The following SPACA1 variants were observed in gnomAD, a reference collection of about 807,000 sequenced individuals.
The protein encoded by SPACA1 is sperm acrosome associated 1.
SPACA1 carries 17 observed loss-of-function variants against 32.6 expected under a neutral mutation model. The observed-to-expected ratio is 0.52, with a 90% CI of 0.36 to 0.78. The LOEUF is 0.78. Ranked by LOEUF, SPACA1 falls within the 30% of genes least tolerant of loss-of-function variation. SPACA1 has a pLI of 0.01. For missense variants in SPACA1, 363 were observed against 373.4 expected (o/e 0.97, Z 0.23); for synonymous variants, 140 against 138.1 (o/e 1.01, Z -0.10).
At chr6:88,057,356 G>A (rs1775824971) in intron 2 of SPACA1, among the ~76,000 whole-genome samples, 1 of 152,114 alleles carries the variant, frequency 6.6e-6, no homozygotes, top group South Asian at 2.1e-4. Flanking sequence ...TTTCAAATGT[G>A]TATGATCATG....
intron 5 of SPACA1, among the ~76,000 whole-genome samples, chr6:88,063,092 C>G (rs1465155899): frequency 6.6e-6 from 1 of 152,122 alleles, no homozygotes; most frequent in Non-Finnish European, 1.5e-5. Context: ...AAGCCAAAAT[C>G]TGGTAGAAAA....
chr6:88,062,476 A>G (rs1169371148), intron 5 of SPACA1, among the ~76,000 whole-genome samples: 2 of 152,256 alleles, frequency 1.3e-5, no homozygotes, highest in Non-Finnish European at 1.5e-5. Context: ...ATTTGGGGTC[A>G]TAAAAGAGAT....
intron 1 of SPACA1, among the ~76,000 whole-genome samples, chr6:88,051,819 T>C (rs746547463): frequency 6.6e-6 from 1 of 152,234 alleles, no homozygotes; most frequent in Non-Finnish European, 1.5e-5. Context: ...ATCAAATATA[T>C]TTGCTATCCT....
At chr6:88,056,416 C>G (rs954009070) in intron 2 of SPACA1, among the ~76,000 whole-genome samples, 1 of 152,178 alleles carries the variant, frequency 6.6e-6, no homozygotes, top group African/African-American at 2.4e-5. Flanking sequence ...CATCATCTCT[C>G]TTAACCAAAG....
At chr6:88,065,153 A>G (rs1775959665) in intron 6 of SPACA1, among the ~76,000 whole-genome samples, 1 of 148,698 alleles carries the variant, frequency 6.7e-6, no homozygotes, top group Non-Finnish European at 1.5e-5. Context: ...ATACACACAT[A>G]TATTTGAACC....
intron 6 of SPACA1, among the ~76,000 whole-genome samples, chr6:88,065,935 A>G (rs1471081270): frequency 6.6e-6 from 1 of 151,932 alleles, no homozygotes; most frequent in Non-Finnish European, 1.5e-5. Flanking sequence ...TCTTTCCTTT[A>G]TAATATACCT....
intron 1 of SPACA1, among the ~76,000 whole-genome samples, chr6:88,051,342 CTA>C (rs1023625133): frequency 2.0e-5 from 3 of 152,094 alleles, no homozygotes; most frequent in African/African-American, 7.2e-5. Flanking sequence ...ACAAATATAA[CTA>C]TATGTTATTT....
intron 1 of SPACA1, among the ~76,000 whole-genome samples, chr6:88,051,247 C>CAAAGATTTATAAAAAGAT (rs1775724431): frequency 6.6e-6 from 1 of 151,988 alleles, no homozygotes; most frequent in African/African-American, 2.4e-5. Context: ...CAAGTATACC[C>CAAAGATTTATAAAAAGAT]TTAGATTTAT....
rs201091472 is a variant in SPACA1, at chr6:88,066,308, T to C, written c.858T>C (p.Asp286=). Residue 286 remains aspartate (D), a synonymous_variant, in exon 7 of 7, where the codon GAT becomes GAC. Transcript: ENST00000237201. ...TACCAACAGAAATGCCTGGTGAAGA[T>C]GATGCTTTAAGTGAATGGAATGAAT... ...DQLPTEMPGE[D]DALSEWNE The C allele has an allele frequency of 9.2e-5, 149 of 1,612,052 alleles. 1 individual carries two copies. Among genetic ancestry groups the C allele is most frequent in the Middle Eastern group, 4.9e-4 (3 of 6,076 alleles).
upstream of SPACA1, chr6:88,047,835 C>T (rs1301868810): frequency 3.5e-6 from 5 of 1,410,522 alleles, no homozygotes; most frequent in Non-Finnish European, 4.7e-6. Context: ...TGTCGCAGCT[C>T]TCTTCGACGT....
intron 4 of SPACA1, among the ~76,000 whole-genome samples, chr6:88,059,037 TA>T (rs1226547294): frequency 6.6e-6 from 1 of 152,264 alleles, no homozygotes; most frequent in Non-Finnish European, 1.5e-5. Flanking sequence ...ATCAGAACTT[TA>T]AAACGTCTAT....
chr6:88,061,194 G>A (rs1036848902), intron 5 of SPACA1, among the ~76,000 whole-genome samples: 6 of 152,128 alleles, frequency 3.9e-5, no homozygotes, highest in Non-Finnish European at 7.4e-5. Flanking sequence ...TTTCCCTAGT[G>A]AAAAATTCTC....
intron 5 of SPACA1, among the ~76,000 whole-genome samples, chr6:88,061,047 G>A (rs764490707): frequency 6.6e-6 from 1 of 152,174 alleles, no homozygotes; most frequent in Non-Finnish European, 1.5e-5. Context: ...CTTTAAACAT[G>A]ACAATTGGGT....
In SPACA1 at chr6:88,066,372, A is replaced by G. The variant is rs925704227; in HGVS notation, c.*37A>G. ...TATATAACAAACCAAAGGATATTAC[A>G]GAATATTAGATTCATTATTACAAAA... On this transcript the variant is annotated 3_prime_UTR_variant, in exon 7 of 7. Coordinates refer to ENST00000237201, the MANE Select transcript of SPACA1 (RefSeq NM_030960.3). 14 of 1,532,238 alleles carry G rather than the reference A, an allele frequency of 9.1e-6. No individual in the cohort carries two copies. Among genetic ancestry groups the G allele is most frequent in the Non-Finnish European group, 1.2e-5 (14 of 1,132,694 alleles). The allele number at this position is 1,532,238 out of a possible 1,614,324, so 94.9% of individuals were successfully genotyped here.
intron 2 of SPACA1, among the ~76,000 whole-genome samples, chr6:88,054,913 C>A (rs981886661): frequency 6.6e-6 from 1 of 152,154 alleles, no homozygotes; most frequent in Admixed American, 6.5e-5. Context: ...ACCATCACAA[C>A]CGCCCATCTC....
intron 5 of SPACA1, among the ~76,000 whole-genome samples, chr6:88,062,375 C>T (rs1482841549): frequency 1.3e-5 from 2 of 152,144 alleles, no homozygotes; most frequent in African/African-American, 2.4e-5. Context: ...TTAAACCTCC[C>T]TGGGCCTTGG....
intron 5 of SPACA1, among the ~76,000 whole-genome samples, chr6:88,062,430 T>C (rs1395806491): frequency 6.6e-6 from 1 of 152,218 alleles, no homozygotes; most frequent in Non-Finnish European, 1.5e-5. Context: ...ATGATCTCTG[T>C]AGTTCTTTCT....
chr6:88,060,525 A>G (rs1775876826), intron 5 of SPACA1, among the ~76,000 whole-genome samples: 1 of 152,220 alleles, frequency 6.6e-6, no homozygotes, highest in African/African-American at 2.4e-5. Context: ...AAACAGGTTA[A>G]AATATTTTAG....
chr6:88,064,197 T>C lies in SPACA1; in HGVS notation c.709T>C (p.Leu237=), dbSNP rs1199384255. Residue 237 remains leucine (L), a synonymous_variant, in exon 6 of 7, where the codon TTG becomes CTG. Transcript: ENST00000237201. ...TATCTGTGTATTTATAATTTTCTTATTGATCTTCATAATCATAAATTGGTA... is the reference window on the plus strand; with the variant it reads ...TATCTGTGTATTTATAATTTTCTTACTGATCTTCATAATCATAAATTGGTA... ...VIICVFIIFL[L]IFIIINWAAV... The C allele has an allele frequency of 3.7e-6, 6 of 1,612,260 alleles. No individual in the cohort carries two copies. Among genetic ancestry groups the C allele is most frequent in the Non-Finnish European group, 5.1e-6 (6 of 1,179,204 alleles).
Sources: gnomAD v4.1 joint callset for allele counts (sites outside exome capture counted in the v4.1 genomes callset) on GRCh38, gnomAD v4.1.1 for gene constraint, MANE v1.5 for transcripts, NCBI Gene and HGNC (gene_info 2026-07-23, HGNC 2026-07-21) for gene names.